TBC1D9: variants seen among roughly 807,000 people sequenced by gnomAD.
The protein encoded by TBC1D9 is TBC1 domain family member 9A.
In TBC1D9, 63 loss-of-function variants were observed where a neutral mutation model predicts 132.0. The observed-to-expected ratio is 0.48, with a 90% CI of 0.39 to 0.59. The LOEUF (loss-of-function observed/expected upper bound fraction) is 0.59. Among genes scored for constraint, TBC1D9 ranks in the 20% least tolerant of loss-of-function variants. TBC1D9 has a pLI of 0.00. For synonymous variants in TBC1D9, 610 were observed against 609.9 expected, an observed-to-expected ratio of 1.00 and a Z score of 0.00; for missense variants, 1,261 against 1,592.7, an observed-to-expected ratio of 0.79 and a Z score of 3.54.
chr4:140,660,860 T>C (rs1737345682), intron 10 of TBC1D9, among the ~76,000 whole-genome samples: 2 of 152,168 alleles, frequency 1.3e-5, no homozygotes, highest in Admixed American at 6.5e-5. Context: ...CAGCCTCTTT[T>C]AGCTTTTGCT....
At chr4:140,674,333 T>A (rs145597893) in intron 6 of TBC1D9, among the ~76,000 whole-genome samples, 1 of 152,226 alleles carries the variant, frequency 6.6e-6, no homozygotes. Flanking sequence ...CAAGGAGAGC[T>A]AGATTTGTCA....
At chr4:140,680,058 C>T (rs1302504465) in intron 3 of TBC1D9, among the ~76,000 whole-genome samples, 1 of 151,948 alleles carries the variant, frequency 6.6e-6, no homozygotes, top group East Asian at 1.9e-4. Context: ...TTTATTGGTG[C>T]TAATTTTATT....
intron 13 of TBC1D9, among the ~76,000 whole-genome samples, chr4:140,649,379 C>T (rs1737151393): frequency 6.6e-6 from 1 of 152,196 alleles, no homozygotes; most frequent in African/African-American, 2.4e-5. Context: ...GTTATTTTCC[C>T]AGTATGCAGA....
At chr4:140,715,111 G>A (rs905684353) in intron 1 of TBC1D9, among the ~76,000 whole-genome samples, 3 of 152,174 alleles carry the variant, frequency 2.0e-5, no homozygotes, top group Non-Finnish European at 4.4e-5. Context: ...GTGACAGAGT[G>A]AGACCCTGTC....
intron 1 of TBC1D9, among the ~76,000 whole-genome samples, chr4:140,729,198 A>C (rs1315355121): frequency 6.6e-6 from 1 of 152,120 alleles, no homozygotes; most frequent in East Asian, 1.9e-4. Flanking sequence ...ACAGGATGAA[A>C]CCACCTCATT....
At chr4:140,679,937 A>G (rs1242275317) in intron 3 of TBC1D9, 94 bp from the exon 4 acceptor site, 10 of 1,075,870 alleles carry the variant, frequency 9.3e-6, no homozygotes, top group Non-Finnish European at 1.3e-5. Flanking sequence ...GCTAGAATTA[A>G]AAAAAAAAAT....
At chr4:140,698,486 C>T (rs1014926389) in intron 2 of TBC1D9, among the ~76,000 whole-genome samples, 1 of 152,156 alleles carries the variant, frequency 6.6e-6, no homozygotes, top group Non-Finnish European at 1.5e-5. Context: ...TACGGTGGCT[C>T]ATGCCTGTAA....
At chr4:140,670,147 T>C (rs939234717) in intron 7 of TBC1D9, among the ~76,000 whole-genome samples, 5 of 152,178 alleles carry the variant, frequency 3.3e-5, no homozygotes, top group African/African-American at 9.7e-5. Context: ...CATCACCCCA[T>C]TGAGTTTCTG....
intron 16 of TBC1D9, among the ~76,000 whole-genome samples, chr4:140,631,174 C>T (rs533865040): frequency 1.7e-4 from 26 of 152,344 alleles, no homozygotes; most frequent in African/African-American, 5.8e-4. Flanking sequence ...TTCAGCCGCA[C>T]TGTTGGAGAA....
chr4:140,647,194 C>T (rs746353244), intron 13 of TBC1D9, among the ~76,000 whole-genome samples: 50 of 152,150 alleles, frequency 3.3e-4, no homozygotes, highest in Non-Finnish European at 4.4e-5. Flanking sequence ...ATTAACATGC[C>T]ATCTCATTTG....
At chr4:140,642,415 T>C in intron 13 of TBC1D9, 1 of 880,254 alleles carries the variant, frequency 1.1e-6, no homozygotes, top group South Asian at 1.4e-5. Context: ...GGCCAGCACC[T>C]TCCTGTCCTT....
intron 13 of TBC1D9, among the ~76,000 whole-genome samples, chr4:140,641,105 C>CAAAAAAAAAAAAAAAAAAA (rs1038335139): frequency 6.7e-5 from 4 of 59,790 alleles, no homozygotes; most frequent in Non-Finnish European, 6.1e-5. Context: ...AAAAAAAAAA[C>CAAAAAAAAAAAAAAAAAAA]AAAAAAAAAC....
At chr4:140,709,248 T>TCTCTCTCTCTCTCACACACA (rs1382500714) in intron 1 of TBC1D9, among the ~76,000 whole-genome samples, 17 of 104,190 alleles carry the variant, frequency 1.6e-4, no homozygotes, top group African/African-American at 7.5e-4. Context: ...TCTCTCTCTC[T>TCTCTCTCTCTCTCACACACA]CACACACACA....
intron 9 of TBC1D9, among the ~76,000 whole-genome samples, chr4:140,667,403 C>T (rs552915420): frequency 2.0e-5 from 3 of 152,278 alleles, no homozygotes; most frequent in East Asian, 3.9e-4. Context: ...TAAATAACTT[C>T]TAATTTGAAC....
At chr4:140,629,244 C>A (rs969305340) in intron 16 of TBC1D9, among the ~76,000 whole-genome samples, 2 of 152,176 alleles carry the variant, frequency 1.3e-5, no homozygotes, top group Non-Finnish European at 2.9e-5. Context: ...ACTGAAAGTT[C>A]TTCTGTAATT....
In TBC1D9 at chr4:140,643,122, C is replaced by G. The variant is rs1434251226; in HGVS notation, c.2338-3694G>C. The G allele has an allele frequency of 5.7e-6, 8 of 1,414,842 alleles. No homozygotes were observed. The East Asian group carries it at 2.0e-4, about 35-fold the overall frequency. The allele number at this position is 1,414,842 out of a possible 1,614,324, so 87.6% of individuals were successfully genotyped here. A position where few individuals can be genotyped will look rare whatever the true frequency, so the allele number is the denominator to read the frequency against. ...GGGAGCCGCAGGTTCTTGAGCGGGT[C>G]CCACCACGGGCCCATCCAGCACCTC... On this transcript the variant is annotated intron_variant, in intron 13 of 20. Transcript: ENST00000442267.
intron 9 of TBC1D9, among the ~76,000 whole-genome samples, chr4:140,664,891 G>A (rs932916250): frequency 6.6e-6 from 1 of 152,056 alleles, no homozygotes; most frequent in South Asian, 2.1e-4. Flanking sequence ...GGTGTATCAC[G>A]AGGTCAGGAG....
chr4:140,681,484 C>T (rs1560883888), intron 3 of TBC1D9, among the ~76,000 whole-genome samples: 1 of 152,260 alleles, frequency 6.6e-6, no homozygotes, highest in South Asian at 2.1e-4. Context: ...TGTCACTGTC[C>T]TATTCTAGTT....
chr4:140,654,290 T>C (rs897662118), intron 13 of TBC1D9, among the ~76,000 whole-genome samples: 7 of 152,058 alleles, frequency 4.6e-5, no homozygotes, highest in African/African-American at 1.2e-4. Context: ...TTTTTTTAGA[T>C]AGGGTGGGTA....
Sources: allele counts gnomAD v4.1 joint callset (sites outside exome capture counted in the v4.1 genomes callset), GRCh38; gene constraint gnomAD v4.1.1; transcripts MANE v1.5; gene names NCBI Gene and HGNC (gene_info 2026-07-23, HGNC 2026-07-21).